CHD3: variants seen among roughly 807,000 people sequenced by gnomAD.
The protein encoded by CHD3 is ATP-dependent chromatin remodeler CHD3.
Under a neutral mutation model 248.9 loss-of-function variants are expected in CHD3, and 52 were observed. That is an observed-to-expected ratio of 0.21 (90% CI 0.17 to 0.26). The LOEUF (loss-of-function observed/expected upper bound fraction) is 0.26, where lower values mean the gene tolerates loss of function less well. Ranked by LOEUF, CHD3 falls within the 10% of genes least tolerant of loss-of-function variation. The pLI is 1.00. For missense variants in CHD3, 1,482 were observed against 2,605.8 expected (o/e 0.57, Z 9.39); for synonymous variants, 985 against 985.2 (o/e 1.00, Z 0.00).
chr17:7,889,720 G>A lies in CHD3; in HGVS notation c.157G>A (p.Gly53Arg). The change falls in exon 2 of 40, where the codon GGA becomes AGA. Residue 53 changes from glycine (G) to arginine (R), a missense_variant. Physicochemically the swap from Gly to Arg is moderately radical, Grantham distance 125. This residue lies in a region of CHD3 where 169 missense variants were observed against 168.1 expected (regional missense o/e 1.01). Coordinates refer to ENST00000330494, the MANE Select transcript of CHD3 (RefSeq NM_001005273.3). The surrounding 1 kb of genome is among the most constrained non-coding windows in gnomAD (Gnocchi z 4.5). Reference sequence around the variant, plus strand: ...ATTGGGTGTGAAGAAGAGAAAACGAGGACCCAAGAAGCAGAAGGAGAACAA... The same window carrying A: ...ATTGGGTGTGAAGAAGAGAAAACGAAGACCCAAGAAGCAGAAGGAGAACAA... ...SALGVKKRKRGPKKQKENKPG... is the reference protein window; with the variant it reads ...SALGVKKRKRRPKKQKENKPG... 3 of 1,613,596 alleles carry A rather than the reference G, an allele frequency of 1.9e-6. No homozygotes were observed. Among genetic ancestry groups the A allele is most frequent in the Non-Finnish European group, 2.5e-6 (3 of 1,179,714 alleles).
intron 2 of CHD3, 131 bp from the exon 3 acceptor site, chr17:7,890,440 A>T: frequency 6.1e-6 from 4 of 653,932 alleles, no homozygotes; most frequent in Non-Finnish European, 9.9e-6. Flanking sequence ...AAAAAAAAAA[A>T]GGAGATAAAA....
Position 7,897,085 on chromosome 17 carries a change from G to T in CHD3, c.1710G>T (p.Leu570=), listed in dbSNP as rs1969777336. The T allele has an allele frequency of 6.2e-7, 1 of 1,613,966 alleles. No individual in the cohort carries two copies. The highest frequency in any genetic ancestry group is 1.3e-5 in the African/African-American group (1 of 75,014). Residue 570 remains leucine (L), a splice_region_variant and synonymous_variant, in exon 11 of 40, where the codon CTG becomes CTT. Coordinates refer to ENST00000330494, the MANE Select transcript of CHD3 (RefSeq NM_001005273.3). The surrounding 1 kb of genome is among the most constrained non-coding windows in gnomAD (Gnocchi z 4.8). The part of the protein sequence containing the change: ...WHCSWAKELQ[L]EIFHLVMYRN... Reference sequence around the variant, plus strand: ...CCCTTTTTTCTGTGCCCTGCTAGCTGGAAATCTTCCATTTGGTTATGTATC... The same window carrying T: ...CCCTTTTTTCTGTGCCCTGCTAGCTTGAAATCTTCCATTTGGTTATGTATC...
At position 7,903,883 on chromosome 17, in the gene CHD3, G is replaced by A. The variant is rs748814939; in HGVS notation, c.3786G>A (p.Arg1262=). 2.0e-5 allele frequency: 32 copies of A among 1,614,038 alleles called. No homozygotes were observed. Among genetic ancestry groups the A allele is most frequent in the Non-Finnish European group, 2.6e-5 (31 of 1,180,024 alleles). The change falls in exon 24 of 40, where the codon CGG becomes CGA. Residue 1262 remains arginine (R), a synonymous_variant. Transcript: ENST00000330494. The surrounding 1 kb of genome is among the most constrained non-coding windows in gnomAD (Gnocchi z 6.8). ...ATTATGACAATGAGGCCATCGCTCGGCTGTTGGACCGGAACCAGGATGCAA... is the reference window on the plus strand; with the variant it reads ...ATTATGACAATGAGGCCATCGCTCGACTGTTGGACCGGAACCAGGATGCAA... ...VIHYDNEAIA[R]LLDRNQDATE...
At chr17:7,893,741 C>T in intron 5 of CHD3, 64 bp from the exon 6 acceptor site, 1 of 1,581,100 alleles carries the variant, frequency 6.3e-7, no homozygotes, top group Non-Finnish European at 8.6e-7. Context: ...CCCCTGTGAC[C>T]TCCATAATTC....
intron 2 of CHD3, 124 bp from the exon 3 acceptor site, chr17:7,890,446 TA>T (rs1271863486): frequency 3.0e-6 from 2 of 663,660 alleles, no homozygotes; most frequent in African/African-American, 1.9e-5. Context: ...AAAAAGGAGA[TA>T]AAAAATTAGT....
chr17:7,901,225 C>A lies in CHD3; in HGVS notation c.3121-19C>A. 1 of 1,582,750 alleles carries A rather than the reference C, an allele frequency of 6.3e-7. No homozygotes were observed. The highest frequency in any genetic ancestry group is 8.6e-7 in the Non-Finnish European group (1 of 1,162,354). ...GTTTCCAACTGACCCCCTCCTCCTC[C>A]TCTCTCCTCCCTTTTCAGGAGTCCC... On this transcript the variant is annotated intron_variant, in intron 19 of 39. Coordinates refer to ENST00000330494, the MANE Select transcript of CHD3 (RefSeq NM_001005273.3).
Position 7,894,402 on chromosome 17 carries a change from G to C in CHD3, c.1076-13G>C, listed in dbSNP as rs760888252. 3 of 1,603,590 alleles carry C rather than the reference G, an allele frequency of 1.9e-6. No homozygotes were observed. In the South Asian group the frequency reaches 3.3e-5, roughly 18 times the overall value. Reference sequence around the variant, plus strand: ...GCCCTGCTTCCTTATCCCTCCACCGGGGTATATGACAGTCCTGGGCTGTCC... The same window carrying C: ...GCCCTGCTTCCTTATCCCTCCACCGCGGTATATGACAGTCCTGGGCTGTCC... On this transcript the variant is annotated splice_polypyrimidine_tract_variant and intron_variant, in intron 7 of 39. Coordinates refer to ENST00000330494, the MANE Select transcript of CHD3 (RefSeq NM_001005273.3).
chr17:7,901,024 C>T (rs199623374), intron 19 of CHD3, 31 bp downstream of exon 19: 227 of 1,600,520 alleles, frequency 1.4e-4, no homozygotes, highest in Middle Eastern at 8.3e-4. Flanking sequence ...GCTGATCGAA[C>T]GCCCATTCTC....
At chr17:7,896,641 G>T (rs1019098845) in intron 10 of CHD3, among the ~76,000 whole-genome samples, 1 of 150,746 alleles carries the variant, frequency 6.6e-6, no homozygotes, top group African/African-American at 2.4e-5. Flanking sequence ...CCAACCTCAG[G>T]TGATCCACCT....
Position 7,908,318 on chromosome 17 carries a change from A to C in CHD3, c.5153-84A>C. 9.0e-7 allele frequency: 1 copy of C among 1,107,982 alleles called. No individual in the cohort carries two copies. The highest frequency in any genetic ancestry group is 1.4e-5 in the South Asian group (1 of 72,696). The allele number at this position is 1,107,982 out of a possible 1,614,324, so 68.6% of individuals were successfully genotyped here. On this transcript the variant is annotated intron_variant, in intron 34 of 39. Transcript: ENST00000330494. The surrounding 1 kb of genome is among the most constrained non-coding windows in gnomAD (Gnocchi z 5.8). Reference sequence around the variant, plus strand: ...AGCCCTTAGTTCCCTTTCATTATTCAGTTTCTCCATCTCTACCTGTCTGTT... The same window carrying C: ...AGCCCTTAGTTCCCTTTCATTATTCCGTTTCTCCATCTCTACCTGTCTGTT...
In CHD3 at chr17:7,907,779, G is replaced by C; in HGVS notation, c.5026+77G>C. 6.6e-7 allele frequency: 1 copy of C among 1,505,668 alleles called. No homozygotes were observed. Among genetic ancestry groups the C allele is most frequent in the Non-Finnish European group, 8.9e-7 (1 of 1,127,506 alleles). 93.3% of individuals were successfully genotyped at this position (1,505,668 alleles called of 1,614,324 possible). A position where few individuals can be genotyped will look rare whatever the true frequency, so the allele number is the denominator to read the frequency against. On this transcript the variant is annotated intron_variant, in intron 33 of 39. Coordinates refer to ENST00000330494, the MANE Select transcript of CHD3 (RefSeq NM_001005273.3). The surrounding 1 kb of genome is among the most constrained non-coding windows in gnomAD (Gnocchi z 4.3). ...GTGGAGTCTGGGGAACCGAATGCTT[G>C]GGTCCTGGGCGGGTAGCTGTTTGAA... is the stretch of plus-strand genomic sequence containing the variant.
chr17:7,903,630 T>A lies in CHD3; in HGVS notation c.3727+127T>A. On this transcript the variant is annotated intron_variant, in intron 23 of 39. Transcript: ENST00000330494. This position sits in a 1 kb window ranked among gnomAD's most constrained non-coding sequence, Gnocchi z 6.8. ...TGAAGGAAGGAGAGCCTTCTTTTAG[T>A]AGCCCTTGGAGGAAGGTTGGCCTCT... 9.8e-7 allele frequency: 1 copy of A among 1,019,352 alleles called. No individual in the cohort carries two copies. Among genetic ancestry groups the A allele is most frequent in the Non-Finnish European group, 1.4e-6 (1 of 699,238 alleles). The allele number at this position is 1,019,352 out of a possible 1,614,324, so 63.1% of individuals were successfully genotyped here.
Position 7,893,463 on chromosome 17 carries a change from G to T in CHD3, c.687G>T (p.Ser229=), listed in dbSNP as rs576181084. 212 of 1,609,938 alleles carry T rather than the reference G, an allele frequency of 1.3e-4. No homozygotes were observed. The South Asian group carries it at 1.7e-3, about 13-fold the overall frequency. ...CTGAGCAGGTGTCAGCTGCTGTCTC[G>T]TCGGCCACCCCCATAGCACCCTCCG... The part of the protein sequence containing the change: ...AVAEQVSAAV[S]SATPIAPSGP... Residue 229 remains serine (S), a synonymous_variant, in exon 5 of 40, where the codon TCG becomes TCT. Transcript: ENST00000330494.
Position 7,905,368 on chromosome 17 carries a change from A to G in CHD3, c.4138+203A>G. ...TGTGACCACATAGGCTAGATCCAGA[A>G]AGGCCATATCATTTTCCATTCCCAC... is the stretch of plus-strand genomic sequence containing the variant. On this transcript the variant is annotated intron_variant, in intron 26 of 39. Transcript: ENST00000330494. The surrounding 1 kb of genome is among the most constrained non-coding windows in gnomAD (Gnocchi z 5.8). The G allele has an allele frequency of 1.6e-6, 1 of 622,114 alleles. No individual in the cohort carries two copies. Among genetic ancestry groups the G allele is most frequent in the Non-Finnish European group, 2.9e-6 (1 of 347,404 alleles). The allele number at this position is 622,114 out of a possible 1,614,324, so 38.5% of individuals were successfully genotyped here.
Position 7,911,746 on chromosome 17 carries a change from G to T in CHD3, c.*161G>T. The T allele has an allele frequency of 6.5e-7, 1 of 1,531,238 alleles. No homozygotes were observed. The highest frequency in any genetic ancestry group is 2.5e-5 in the East Asian group (1 of 39,694). The allele number at this position is 1,531,238 out of a possible 1,614,324, so 94.9% of individuals were successfully genotyped here. ...CTCTGCAGCTCCTCTCTTCAAGAAG[G>T]GCCCTTTGTCTTTCTCCACTCCCAC... is the stretch of plus-strand genomic sequence containing the variant. On this transcript the variant is annotated 3_prime_UTR_variant, in exon 40 of 40. Coordinates refer to ENST00000330494, the MANE Select transcript of CHD3 (RefSeq NM_001005273.3). The surrounding 1 kb of genome is among the most constrained non-coding windows in gnomAD (Gnocchi z 5.4).
chr17:7,893,799 AT>A lies in CHD3; in HGVS notation c.794-4del. On this transcript the variant is annotated splice_region_variant and splice_polypyrimidine_tract_variant and intron_variant, in intron 5 of 39. Coordinates refer to ENST00000330494, the MANE Select transcript of CHD3 (RefSeq NM_001005273.3). ...TTTCCTCTTCTCACCCCGACTCCTC[AT>A]TCAGGTCCAGGCCATAAGAGGCGGA... 4 of 1,613,264 alleles carry A rather than the reference AT, an allele frequency of 2.5e-6. No homozygotes were observed. Among genetic ancestry groups the A allele is most frequent in the East Asian group, 2.2e-5 (1 of 44,860 alleles).
In CHD3 at chr17:7,909,376, C is replaced by A; in HGVS notation, c.5590+38C>A. On this transcript the variant is annotated intron_variant, in intron 37 of 39. Transcript: ENST00000330494. The surrounding 1 kb of genome is among the most constrained non-coding windows in gnomAD (Gnocchi z 8.1). ...GCGGCCCCGCGCGGGGGAGGGCCCACAACGCTGCGTAAGTCTTCACCCCGC... is the reference window on the plus strand; with the variant it reads ...GCGGCCCCGCGCGGGGGAGGGCCCAAAACGCTGCGTAAGTCTTCACCCCGC... The A allele has an allele frequency of 6.6e-7, 1 of 1,510,024 alleles. No homozygotes were observed. The highest frequency in any genetic ancestry group is 8.9e-7 in the Non-Finnish European group (1 of 1,127,634). 93.5% of individuals were successfully genotyped at this position (1,510,024 alleles called of 1,614,324 possible).
At position 7,907,657 on chromosome 17, in the gene CHD3, C is replaced by T. The variant is rs765964328; in HGVS notation, c.4981C>T (p.His1661Tyr). The T allele has an allele frequency of 3.0e-5, 46 of 1,536,450 alleles. No homozygotes were observed. The highest frequency in any genetic ancestry group is 1.7e-4 in the Middle Eastern group (1 of 5,838). ...GEEKPLDGQE[H>Y]RERPEGETGD... ...GGAGAAGCCGTTGGATGGACAGGAACACAGGGAGAGGCCGGAGGGGGAAAC... is the reference window on the plus strand; with the variant it reads ...GGAGAAGCCGTTGGATGGACAGGAATACAGGGAGAGGCCGGAGGGGGAAAC... Residue 1661 changes from histidine to tyrosine, a missense_variant, in exon 33 of 40, where the codon CAC becomes TAC. Transcript: ENST00000330494. The surrounding 1 kb of genome is among the most constrained non-coding windows in gnomAD (Gnocchi z 4.3).
rs763282248 is a variant in CHD3 at position 7,897,926 on chromosome 17, G to A, written c.1920-45G>A. ...GGCCTTCTTTCTGTTTGTGATCTGT[G>A]CAATATTTTCCTCCTGCTCCTCCCC... On this transcript the variant is annotated intron_variant, in intron 11 of 39. Transcript: ENST00000330494. The surrounding 1 kb of genome is among the most constrained non-coding windows in gnomAD (Gnocchi z 4.8). The A allele has an allele frequency of 3.1e-6, 5 of 1,590,876 alleles. No homozygotes were observed. The highest frequency in any genetic ancestry group is 3.6e-5 in the Admixed American group (2 of 55,696).
Sources: gnomAD v4.1 joint callset for allele counts (sites outside exome capture counted in the v4.1 genomes callset) on GRCh38, gnomAD v4.1.1 for gene constraint, gnomAD v4.1.1 regional missense constraint, Gnocchi (gnomAD v3.1) non-coding constraint, MANE v1.5 for transcripts, NCBI Gene and HGNC (gene_info 2026-07-23, HGNC 2026-07-21) for gene names.